TPCN1: variants seen among roughly 807,000 people sequenced by gnomAD.
The protein encoded by TPCN1 is two pore segment channel 1.
In TPCN1, 52 loss-of-function variants were observed where a neutral mutation model predicts 108.8. That is an observed-to-expected ratio of 0.48 (90% CI 0.38 to 0.60). The LOEUF (loss-of-function observed/expected upper bound fraction) is 0.60, where lower values mean the gene tolerates loss of function less well. TPCN1 is among the 20% of genes least tolerant of loss of function. The pLI is 0.00. For synonymous variants in TPCN1, 446 were observed against 433.7 expected (o/e 1.03, Z -0.35); for missense variants, 806 against 1,072.8 (o/e 0.75, Z 3.47).
Position 113,266,150 on chromosome 12 carries a change from T to C in TPCN1, c.238-30T>C, listed in dbSNP as rs1325498446. The C allele has an allele frequency of 1.2e-6, 2 of 1,611,626 alleles. No individual in the cohort carries two copies. The highest frequency in any genetic ancestry group is 3.3e-5 in the Admixed American group (2 of 59,860). ...TTGGCGTTGGATGGGTCTCCAGGCT[T>C]ACATGCCCACACTACTCTCATCTTT... On this transcript the variant is annotated intron_variant, in intron 3 of 27. Coordinates refer to ENST00000335509, the MANE Select transcript of TPCN1 (RefSeq NM_017901.6). The surrounding 1 kb of genome is among the most constrained non-coding windows in gnomAD (Gnocchi z 4.2).
chr12:113,249,977 A>C (rs1325139953), intron 2 of TPCN1: 1 of 152,174 alleles, frequency 6.6e-6, no homozygotes, highest in Non-Finnish European at 1.5e-5. Flanking sequence ...TCCACCTCCT[A>C]AGGTTGATGC....
At chr12:113,222,503 C>A (rs1214472635) in intron 1 of TPCN1, among the ~76,000 whole-genome samples, 2 of 152,204 alleles carry the variant, frequency 1.3e-5, no homozygotes, top group African/African-American at 4.8e-5. Context: ...CCCCCCACTC[C>A]CAAGTTGTGA....
intron 7 of TPCN1, among the ~76,000 whole-genome samples, chr12:113,270,485 G>GTT (rs1277404327): frequency 7.7e-5 from 11 of 142,520 alleles, no homozygotes; most frequent in African/African-American, 2.0e-4. Flanking sequence ...GTTTTGTTTT[G>GTT]TTTTTTTTTT....
chr12:113,263,831 T>G (rs1955140220), intron 3 of TPCN1, among the ~76,000 whole-genome samples: 1 of 152,200 alleles, frequency 6.6e-6, no homozygotes, highest in Non-Finnish European at 1.5e-5. Context: ...CAACTGGCCT[T>G]CCTTATTTTT....
chr12:113,226,140 C>G (rs1258380827), intron 1 of TPCN1, among the ~76,000 whole-genome samples: 2 of 149,950 alleles, frequency 1.3e-5, no homozygotes, highest in Non-Finnish European at 3.0e-5. Context: ...AGGCTGATCT[C>G]AAATTCCTGG....
intron 2 of TPCN1, among the ~76,000 whole-genome samples, chr12:113,235,059 C>T (rs115830943): frequency 0.016 from 2,377 of 152,286 alleles, 62 homozygotes; most frequent in African/African-American, 0.054. Context: ...CTCCATGGCC[C>T]TTGAGGTTAT....
In TPCN1 at chr12:113,295,795, A is replaced by G. The variant is rs541815521; in HGVS notation, c.2335-165A>G. On this transcript the variant is annotated intron_variant, in intron 27 of 27. Coordinates refer to ENST00000335509, the MANE Select transcript of TPCN1 (RefSeq NM_017901.6). ...TTTTGCCTCTGGGGCCACATTCAAA[A>G]TTCCCAGCATTTCTGGGCCTGTGAC... Among the ~76,000 whole-genome samples, 30 of 151,802 alleles carry G rather than the reference A, an allele frequency of 2.0e-4. No individual in the cohort carries two copies. In the East Asian group the frequency reaches 5.7e-3, roughly 29 times the overall value.
chr12:113,239,103 G>A (rs559837528), intron 2 of TPCN1, among the ~76,000 whole-genome samples: 3 of 152,266 alleles, frequency 2.0e-5, no homozygotes, highest in South Asian at 2.1e-4. Flanking sequence ...TACTGCACTC[G>A]AGCCTGGGCA....
chr12:113,267,884 G>A lies in TPCN1; in HGVS notation c.456G>A (p.Val152=). The A allele has an allele frequency of 6.2e-7, 1 of 1,614,184 alleles. No homozygotes were observed. The highest frequency in any genetic ancestry group is 1.7e-5 in the Admixed American group (1 of 60,024). The part of the protein sequence containing the change: ...TLELFALMVV[V]FELCMKLRWL... ...AGCTGTTTGCCCTGATGGTGGTAGT[G>A]TTTGAACTCTGCATGAAGTTACGCT... is the stretch of plus-strand genomic sequence containing the variant. The change falls in exon 5 of 28, where the codon GTG becomes GTA. Residue 152 remains valine, a synonymous_variant. Coordinates refer to ENST00000335509, the MANE Select transcript of TPCN1 (RefSeq NM_017901.6).
At chr12:113,251,789 C>G (rs1045314637) in intron 2 of TPCN1, among the ~76,000 whole-genome samples, 5 of 152,254 alleles carry the variant, frequency 3.3e-5, no homozygotes, top group Admixed American at 3.3e-4. Context: ...TTTCTGCAGG[C>G]AAGCCATGGA....
At chr12:113,257,568 C>A (rs973365986) in intron 2 of TPCN1, among the ~76,000 whole-genome samples, 2 of 151,852 alleles carry the variant, frequency 1.3e-5, no homozygotes, top group Admixed American at 1.3e-4. Context: ...CTCTCATATA[C>A]TGCTAGTGAG....
chr12:113,285,915 G>A lies in TPCN1; in HGVS notation c.1480G>A (p.Val494Ile), dbSNP rs769661050. The A allele has an allele frequency of 6.2e-7, 1 of 1,614,224 alleles. No individual in the cohort carries two copies. Among genetic ancestry groups the A allele is most frequent in the African/African-American group, 1.3e-5 (1 of 75,050 alleles). ...CTATGGGGTGGAGCTGTTCCTGAAG[G>A]TTGCCGGCCTGGGCCCTGTGGAGTA... The part of the protein sequence containing the change: ...TIYGVELFLK[V>I]AGLGPVEYLS... Residue 494 changes from valine to isoleucine, a missense_variant, in exon 18 of 28, where the codon GTT (valine) becomes ATT (isoleucine). Transcript: ENST00000335509.
At chr12:113,246,688 C>G (rs967924813) in intron 2 of TPCN1, among the ~76,000 whole-genome samples, 2 of 152,174 alleles carry the variant, frequency 1.3e-5, no homozygotes, top group African/African-American at 2.4e-5. Flanking sequence ...GTGGTGAGGT[C>G]GTCCTGTCTT....
At chr12:113,247,743 C>T (rs1954455424) in intron 2 of TPCN1, among the ~76,000 whole-genome samples, 2 of 152,234 alleles carry the variant, frequency 1.3e-5, no homozygotes, top group Admixed American at 6.5e-5. Context: ...CCCAGTTGCT[C>T]GTGCCTTGAT....
chr12:113,284,810 A>G lies in TPCN1; in HGVS notation c.1453+39A>G. The G allele has an allele frequency of 6.2e-7, 1 of 1,609,586 alleles. No homozygotes were observed. Among genetic ancestry groups the G allele is most frequent in the Non-Finnish European group, 8.5e-7 (1 of 1,175,908 alleles). On this transcript the variant is annotated intron_variant, in intron 17 of 27. Coordinates refer to ENST00000335509, the MANE Select transcript of TPCN1 (RefSeq NM_017901.6). The surrounding 1 kb of genome is among the most constrained non-coding windows in gnomAD (Gnocchi z 4.1). ...ATGGCTTTGCTGGACTGCTTGTTTT[A>G]AAATTGTCTGGGAGAACTTTCATTC... is the stretch of plus-strand genomic sequence containing the variant.
In TPCN1 at chr12:113,268,731, G is replaced by A; in HGVS notation, c.529-11G>A. On this transcript the variant is annotated splice_polypyrimidine_tract_variant and intron_variant, in intron 5 of 27. Coordinates refer to ENST00000335509, the MANE Select transcript of TPCN1 (RefSeq NM_017901.6). This position sits in a 1 kb window ranked among gnomAD's most constrained non-coding sequence, Gnocchi z 7.3. ...CAGGGGCTGACGGTGCTCCATGCCT[G>A]CCACCCACAGACCTCGGTGCTGGTG... is the stretch of plus-strand genomic sequence containing the variant. 1.2e-6 allele frequency: 2 copies of A among 1,612,854 alleles called. No homozygotes were observed. The highest frequency in any genetic ancestry group is 1.3e-5 in the African/African-American group (1 of 75,034).
At chr12:113,247,904 T>A (rs1335226265) in intron 2 of TPCN1, among the ~76,000 whole-genome samples, 1 of 152,192 alleles carries the variant, frequency 6.6e-6, no homozygotes, top group African/African-American at 2.4e-5. Context: ...CAAGTCCTGT[T>A]TTCTGAGGTT....
intron 11 of TPCN1, 51 bp from the exon 12 acceptor site, chr12:113,277,189 C>G: frequency 6.2e-7 from 1 of 1,609,926 alleles, no homozygotes; most frequent in South Asian, 1.1e-5. Flanking sequence ...GTGGGTGCCC[C>G]AAGGGAAGGG....
At position 113,266,364 on chromosome 12, in the gene TPCN1, C is replaced by T; in HGVS notation, c.414+8C>T. 6.2e-7 allele frequency: 1 copy of T among 1,604,154 alleles called. No individual in the cohort carries two copies. Among genetic ancestry groups the T allele is most frequent in the Non-Finnish European group, 8.5e-7 (1 of 1,179,486 alleles). On this transcript the variant is annotated splice_region_variant and intron_variant, in intron 4 of 27. Coordinates refer to ENST00000335509, the MANE Select transcript of TPCN1 (RefSeq NM_017901.6). The surrounding 1 kb of genome is among the most constrained non-coding windows in gnomAD (Gnocchi z 4.2). Reference sequence around the variant, plus strand: ...CTCCGGCTTGGCATCTATGTGAGCGCACATGCTCCTCATACGGGGGGCTGG... The same window carrying T: ...CTCCGGCTTGGCATCTATGTGAGCGTACATGCTCCTCATACGGGGGGCTGG...
Sources: gnomAD v4.1 joint callset for allele counts (sites outside exome capture counted in the v4.1 genomes callset) on GRCh38, gnomAD v4.1.1 for gene constraint, Gnocchi (gnomAD v3.1) non-coding constraint, MANE v1.5 for transcripts, NCBI Gene and HGNC (gene_info 2026-07-23, HGNC 2026-07-21) for gene names.